RNF111: variants seen among roughly 807,000 people sequenced by gnomAD.
RNF111 encodes ring finger protein 111.
Under a neutral mutation model 95.1 loss-of-function variants are expected in RNF111, and 17 were observed. That is an observed-to-expected ratio of 0.18 (90% CI 0.12 to 0.27). The LOEUF (loss-of-function observed/expected upper bound fraction) is 0.27. RNF111 is among the 10% of genes least tolerant of loss of function. RNF111 has a pLI of 1.00. For missense variants in RNF111, 1,189 were observed against 1,210.4 expected, an observed-to-expected ratio of 0.98 and a Z score of 0.26; for synonymous variants, 440 against 414.8, an observed-to-expected ratio of 1.06 and a Z score of -0.74.
intron 4 of RNF111, 77 bp from the exon 5 acceptor site, chr15:59,058,277 AAC>A (rs2042282169): frequency 8.7e-7 from 1 of 1,145,730 alleles, no homozygotes; most frequent in East Asian, 2.4e-5. Context: ...ATTAATTATA[AAC>A]ACATTAGCTT....
chr15:59,083,006 G>C (rs1320126943), intron 8 of RNF111, among the ~76,000 whole-genome samples: 1 of 152,062 alleles, frequency 6.6e-6, no homozygotes, highest in Non-Finnish European at 1.5e-5. Context: ...AATCTTAGCT[G>C]GGTATGGTGG....
intron 6 of RNF111, among the ~76,000 whole-genome samples, chr15:59,070,153 G>A (rs2140087340): frequency 6.7e-6 from 1 of 149,096 alleles, no homozygotes; most frequent in East Asian, 2.0e-4. Context: ...GGGACTACAG[G>A]CATGTACCAC....
At chr15:59,014,701 A>G (rs1446751150) in intron 1 of RNF111, among the ~76,000 whole-genome samples, 5 of 152,154 alleles carry the variant, frequency 3.3e-5, no homozygotes, top group Non-Finnish European at 7.3e-5. Flanking sequence ...TGTTATCAGG[A>G]AAACTGCCAT....
chr15:59,055,945 A>G, intron 4 of RNF111, 100 bp downstream of exon 4: 7 of 854,418 alleles, frequency 8.2e-6, no homozygotes, highest in Non-Finnish European at 6.6e-6. Flanking sequence ...GTAATATATT[A>G]TTAAACTACA....
intron 5 of RNF111, among the ~76,000 whole-genome samples, chr15:59,059,681 T>C (rs2042352106): frequency 6.8e-6 from 1 of 146,406 alleles, no homozygotes. Context: ...TTAGCTCTTA[T>C]CTCAAGCTAG....
At chr15:59,003,001 G>A (rs1282257171) in intron 1 of RNF111, among the ~76,000 whole-genome samples, 1 of 152,062 alleles carries the variant, frequency 6.6e-6, no homozygotes, top group East Asian at 1.9e-4. Context: ...CCTTTTTTGT[G>A]ATAAGATCTC....
chr15:59,064,535 CAA>C (rs35804813), intron 5 of RNF111, among the ~76,000 whole-genome samples: 28 of 76,676 alleles, frequency 3.7e-4, no homozygotes, highest in Non-Finnish European at 4.9e-4. Flanking sequence ...GACTTTGTCG[CAA>C]AAAAAAAAAA....
intron 1 of RNF111, among the ~76,000 whole-genome samples, chr15:59,006,095 A>G (rs1039713302): frequency 6.6e-6 from 1 of 152,212 alleles, no homozygotes; most frequent in East Asian, 1.9e-4. Flanking sequence ...AGAGAAGGAA[A>G]GGTTGGTGAT....
intron 5 of RNF111, 159 bp downstream of exon 5, chr15:59,058,709 G>C (rs2042305257): frequency 1.5e-6 from 1 of 653,346 alleles, no homozygotes; most frequent in Non-Finnish European, 2.6e-6. Flanking sequence ...ATTATAATTA[G>C]GCTGATTTCA....
At chr15:59,084,012 A>G in intron 8 of RNF111, 117 bp from the exon 9 acceptor site, 3 of 746,760 alleles carry the variant, frequency 4.0e-6, no homozygotes, top group Non-Finnish European at 5.6e-6. Flanking sequence ...AATTTATTTT[A>G]TGACTAATCT....
intron 4 of RNF111, 48 bp downstream of exon 4, chr15:59,055,893 A>C: frequency 1.3e-6 from 2 of 1,484,576 alleles, no homozygotes; most frequent in Non-Finnish European, 1.8e-6. Context: ...AGTTTGATAA[A>C]AGGAAATCTC....
intron 1 of RNF111, among the ~76,000 whole-genome samples, chr15:59,030,436 C>A (rs1026439696): frequency 6.6e-6 from 1 of 151,982 alleles, no homozygotes; most frequent in African/African-American, 2.4e-5. Context: ...CTTTTGAATT[C>A]GAATCCTTTT....
intron 1 of RNF111, among the ~76,000 whole-genome samples, chr15:59,003,546 G>C (rs958371029): frequency 6.6e-6 from 1 of 151,854 alleles, no homozygotes; most frequent in Non-Finnish European, 1.5e-5. Context: ...CTACAGGTGC[G>C]TGCTACCACA....
intron 1 of RNF111, among the ~76,000 whole-genome samples, chr15:58,997,067 G>C (rs2039107418): frequency 6.6e-6 from 1 of 151,854 alleles, no homozygotes; most frequent in Non-Finnish European, 1.5e-5. Context: ...TTTCATGTCA[G>C]TTTAAGTGTC....
intron 1 of RNF111, among the ~76,000 whole-genome samples, chr15:59,017,750 ACTCTTTTT>A (rs2040134795): frequency 8.1e-6 from 1 of 122,994 alleles, no homozygotes; most frequent in Non-Finnish European, 1.7e-5. Flanking sequence ...TATTTGTTGA[ACTCTTTTT>A]TTTTTTTTTT....
rs35775103 is a variant in RNF111 at position 59,071,298 on chromosome 15, CAAAAAAAAAAA to C, written c.1686+4224_1686+4234del. Among the ~76,000 whole-genome samples the C allele has an allele frequency of 1.8e-4, 17 of 95,024 alleles. 1 individual carries two copies. Among genetic ancestry groups the C allele is most frequent in the African/African-American group, 6.2e-4 (15 of 24,142 alleles). The allele number at this position is 95,024 out of a possible 152,430, so 62.3% of individuals were successfully genotyped here. A position where few individuals can be genotyped will look rare whatever the true frequency, so the allele number is the denominator to read the frequency against. ...TGGGCAACAGAGCGAGACTCCATCT[CAAAAAAAAAAA>C]AAAAAAAAGAATACGAAGAAGTGAT... On this transcript the variant is annotated intron_variant, in intron 6 of 13. Coordinates refer to ENST00000348370, the MANE Select transcript of RNF111 (RefSeq NM_017610.8).
rs2140276488 is a variant in RNF111, at chr15:59,096,931, A to G, written c.*2031A>G. 1 of 152,330 alleles carries G rather than the reference A, an allele frequency of 6.6e-6. No homozygotes were observed. Among genetic ancestry groups the G allele is most frequent in the South Asian group, 2.1e-4 (1 of 4,828 alleles). The allele number at this position is 152,330 out of a possible 1,614,324, so 9.4% of individuals were successfully genotyped here. On this transcript the variant is annotated 3_prime_UTR_variant, in exon 14 of 14. Transcript: ENST00000348370. ...CACAGGTGGATTTCTCTATTTTTGA[A>G]TACTACATCAGATTTAGATGCACGA...
At chr15:59,084,292 G>A in intron 9 of RNF111, 38 bp downstream of exon 9, 1 of 1,513,270 alleles carries the variant, frequency 6.6e-7, no homozygotes. Flanking sequence ...GTGCTTCACA[G>A]CTTGTGGTAA....
intron 1 of RNF111, among the ~76,000 whole-genome samples, chr15:58,998,981 T>A (rs1158341127): frequency 3.9e-5 from 6 of 152,216 alleles, no homozygotes; most frequent in Non-Finnish European, 8.8e-5. Flanking sequence ...TCACTGATAG[T>A]ATGAGGTTTC....
Sources: allele counts gnomAD v4.1 joint callset (sites outside exome capture counted in the v4.1 genomes callset), GRCh38; gene constraint gnomAD v4.1.1; transcripts MANE v1.5; gene names NCBI Gene and HGNC (gene_info 2026-07-23, HGNC 2026-07-21).